Variants in LRRK2 observed in about 807,000 individuals in gnomAD.
The protein encoded by LRRK2 is leucine-rich repeat serine/threonine-protein kinase 2.
A neutral mutation model predicts 302.6 loss-of-function variants in LRRK2; 203 were observed. The observed-to-expected ratio is 0.67, with a 90% CI of 0.60 to 0.75. The LOEUF is 0.75. LRRK2 is among the 30% of genes least tolerant of loss of function. The pLI, the probability that LRRK2 is intolerant of heterozygous loss-of-function variation, is 0.00. For missense variants in LRRK2, 2,830 were observed against 2,951.0 expected, an observed-to-expected ratio of 0.96 and a Z score of 0.95; for synonymous variants, 1,066 against 1,031.9, an observed-to-expected ratio of 1.03 and a Z score of -0.63.
chr12:40,332,451 T>C (rs1945739154), intron 39 of LRRK2, among the ~76,000 whole-genome samples: 1 of 152,238 alleles, frequency 6.6e-6, no homozygotes, highest in Non-Finnish European at 1.5e-5. Flanking sequence ...TAAATGTGAA[T>C]TCTTCCATCT....
At chr12:40,262,167 G>A (rs1942800236) in intron 13 of LRRK2, among the ~76,000 whole-genome samples, 1 of 152,038 alleles carries the variant, frequency 6.6e-6, no homozygotes, top group Admixed American at 6.6e-5. Context: ...AAGAAGAGAT[G>A]ACTCAAAGGG....
chr12:40,327,932 G>T (rs572523569), intron 38 of LRRK2, among the ~76,000 whole-genome samples: 1 of 152,162 alleles, frequency 6.6e-6, no homozygotes, highest in Non-Finnish European at 1.5e-5. Flanking sequence ...ATGGAAGGTA[G>T]AATAAAAACT....
At chr12:40,225,420 C>G in intron 1 of LRRK2, 135 bp from the exon 2 acceptor site, 2 of 1,279,482 alleles carry the variant, frequency 1.6e-6, no homozygotes, top group Non-Finnish European at 2.2e-6. Flanking sequence ...ATATCCTTTC[C>G]TTAGGGCAGA....
chr12:40,320,149 A>G lies in LRRK2; in HGVS notation c.4989A>G (p.Gly1663=), dbSNP rs201607756. 22 of 1,612,058 alleles carry G rather than the reference A, an allele frequency of 1.4e-5. No homozygotes were observed. The highest frequency in any genetic ancestry group is 1.8e-5 in the Non-Finnish European group (21 of 1,178,948). The change falls in exon 34 of 51, where the codon GGA becomes GGG. Residue 1663 remains glycine, a synonymous_variant. Coordinates refer to ENST00000298910, the MANE Select transcript of LRRK2 (RefSeq NM_198578.4). ...AATTCCAGATTGCTTTGCCAATAGG[A>G]GAAGAATATTTGCTGGTTCCAAGCA... ...LEKFQIALPI[G]EEYLLVPSSL... is the part of the protein sequence containing the mutation.
chr12:40,360,449 A>G (rs1379562777), intron 47 of LRRK2, among the ~76,000 whole-genome samples: 1 of 151,980 alleles, frequency 6.6e-6, no homozygotes, highest in Non-Finnish European at 1.5e-5. Flanking sequence ...TGTCATTTGA[A>G]TCTTTGTACT....
At chr12:40,277,773 A>G (rs1039209071) in intron 16 of LRRK2, 115 bp from the exon 17 acceptor site, 33 of 957,650 alleles carry the variant, frequency 3.4e-5, no homozygotes, top group Non-Finnish European at 4.9e-5. Flanking sequence ...CAATATATCT[A>G]TAGTTAAATG....
At position 40,304,058 on chromosome 12, in the gene LRRK2, T is replaced by A; in HGVS notation, c.3701T>A (p.Ile1234Asn). 1 of 1,613,718 alleles carries A rather than the reference T, an allele frequency of 6.2e-7. No homozygotes were observed. The highest frequency in any genetic ancestry group is 8.5e-7 in the Non-Finnish European group (1 of 1,179,724). Residue 1234 changes from isoleucine to asparagine, a missense_variant, in exon 27 of 51, where the codon ATC becomes AAC. Physicochemically the swap from Ile to Asn is moderately radical, Grantham distance 149 (BLOSUM62 -3). Coordinates refer to ENST00000298910, the MANE Select transcript of LRRK2 (RefSeq NM_198578.4). ...TTATTTAGCCATAATCAGATCAGCA[T>A]CTTGGACTTGAGTGAAAAAGCATAT... ...ELLFSHNQIS[I>N]LDLSEKAYLW...
chr12:40,363,096 AAATTCTAC>A (rs1312959702), intron 47 of LRRK2, among the ~76,000 whole-genome samples: 1 of 152,096 alleles, frequency 6.6e-6, no homozygotes, highest in Non-Finnish European at 1.5e-5. Flanking sequence ...ATATAGTACA[AAATTCTAC>A]AAAGAGCCAC....
intron 14 of LRRK2, among the ~76,000 whole-genome samples, chr12:40,273,624 T>C (rs1432233096): frequency 3.3e-5 from 5 of 152,180 alleles, no homozygotes; most frequent in Non-Finnish European, 7.4e-5. Flanking sequence ...TTATCTGTGG[T>C]GGAGGCCATC....
At chr12:40,344,166 G>A (rs1356520896) in intron 41 of LRRK2, among the ~76,000 whole-genome samples, 1 of 152,004 alleles carries the variant, frequency 6.6e-6, no homozygotes, top group African/African-American at 2.4e-5. Flanking sequence ...AAAAACTATT[G>A]TAAAAGGATG....
intron 25 of LRRK2, among the ~76,000 whole-genome samples, chr12:40,300,617 C>T (rs1160158625): frequency 6.6e-6 from 1 of 152,064 alleles, no homozygotes; most frequent in African/African-American, 2.4e-5. Context: ...TTCCTCCTAC[C>T]CTCCTGAATA....
chr12:40,298,429 C>T lies in LRRK2; in HGVS notation c.3283C>T (p.Leu1095=), dbSNP rs969823561. The T allele has an allele frequency of 2.5e-6, 4 of 1,613,928 alleles. No individual in the cohort carries two copies. The highest frequency in any genetic ancestry group is 3.4e-6 in the Non-Finnish European group (4 of 1,179,932). ...ACAGTTTAACCTGTCATATAACCAG[C>T]TGTCTTTTGTACCTGAGAACCTCAC... The part of the protein sequence containing the change: ...LKQFNLSYNQ[L]SFVPENLTDV... The change falls in exon 24 of 51, where the codon CTG becomes TTG. Residue 1095 remains leucine (L), a synonymous_variant. Coordinates refer to ENST00000298910, the MANE Select transcript of LRRK2 (RefSeq NM_198578.4).
At chr12:40,232,205 C>T in intron 2 of LRRK2, 69 bp from the exon 3 acceptor site, 2 of 1,084,340 alleles carry the variant, frequency 1.8e-6, no homozygotes, top group Non-Finnish European at 2.9e-6. Context: ...TGAAGAGATT[C>T]ATGTTTGACT....
intron 25 of LRRK2, 69 bp downstream of exon 25, chr12:40,299,326 C>A: frequency 6.6e-7 from 1 of 1,518,860 alleles, no homozygotes; most frequent in South Asian, 1.1e-5. Flanking sequence ...CATATATGGA[C>A]CCTTTAGTTG....
chr12:40,298,173 G>A, intron 23 of LRRK2, 70 bp from the exon 24 acceptor site: 4 of 1,526,872 alleles, frequency 2.6e-6, no homozygotes, highest in East Asian at 2.3e-5. Flanking sequence ...GGTGTGTAAG[G>A]CAGAAATATT....
chr12:40,308,536 T>A lies in LRRK2; in HGVS notation c.4029T>A (p.Thr1343=). The A allele has an allele frequency of 6.2e-7, 1 of 1,614,046 alleles. No individual in the cohort carries two copies. Among genetic ancestry groups the A allele is most frequent in the Non-Finnish European group, 8.5e-7 (1 of 1,179,968 alleles). Residue 1343 remains threonine, a synonymous_variant, in exon 29 of 51, where the codon ACT becomes ACA. Transcript: ENST00000298910. ...TGAAACTTATGATTGTGGGAAATAC[T>A]GGGAGTGGTAAAACCACCTTATTGC... ...NRMKLMIVGN[T]GSGKTTLLQQ...
chr12:40,316,775 G>C (rs781607981), intron 33 of LRRK2, among the ~76,000 whole-genome samples: 1 of 152,032 alleles, frequency 6.6e-6, no homozygotes, highest in Non-Finnish European at 1.5e-5. Flanking sequence ...ACGTAGTTTT[G>C]GAAAGTGTGT....
intron 47 of LRRK2, 23 bp downstream of exon 47, chr12:40,359,467 A>G: frequency 1.9e-6 from 3 of 1,598,220 alleles, no homozygotes; most frequent in Non-Finnish European, 2.6e-6. Flanking sequence ...TTATCTGTAC[A>G]AGTAATTTAT....
intron 31 of LRRK2, among the ~76,000 whole-genome samples, chr12:40,313,387 T>C (rs1945098598): frequency 6.6e-6 from 1 of 152,038 alleles, no homozygotes; most frequent in South Asian, 2.1e-4. Context: ...TCCTCTCCTA[T>C]CAGAATCACT....
Sources: allele counts gnomAD v4.1 joint callset (sites outside exome capture counted in the v4.1 genomes callset), GRCh38; gene constraint gnomAD v4.1.1; transcripts MANE v1.5; gene names NCBI Gene and HGNC (gene_info 2026-07-23, HGNC 2026-07-21).